The following FGD3 variants were observed in gnomAD, a reference collection of about 807,000 sequenced individuals.
FGD3 encodes FYVE, RhoGEF and PH domain containing 3, also known as FYVE, RhoGEF and PH domain-containing protein 3.
A neutral mutation model predicts 71.8 loss-of-function variants in FGD3; 45 were observed. The observed-to-expected ratio is 0.63, with a 90% CI of 0.49 to 0.80. The LOEUF (loss-of-function observed/expected upper bound fraction) is 0.80, where lower values mean the gene tolerates loss of function less well. FGD3 is among the 30% of genes least tolerant of loss of function. FGD3 has a pLI of 0.00. For synonymous variants in FGD3, 378 were observed against 392.8 expected, an observed-to-expected ratio of 0.96 and a Z score of 0.44; for missense variants, 844 against 951.5, an observed-to-expected ratio of 0.89 and a Z score of 1.49.
chr9:93,002,854 T>C, intron 3 of FGD3, 71 bp from the exon 4 acceptor site: 3 of 1,487,882 alleles, frequency 2.0e-6, no homozygotes, highest in South Asian at 1.1e-5. Flanking sequence ...CTGCACACAG[T>C]GGCAGCCCGT....
At chr9:92,960,095 C>A (rs1859142020) in intron 1 of FGD3, among the ~76,000 whole-genome samples, 1 of 151,952 alleles carries the variant, frequency 6.6e-6, no homozygotes, top group Non-Finnish European at 1.5e-5. Context: ...TTCATGTTTC[C>A]ATGTCCTCTT....
At chr9:92,996,716 T>G (rs1167645859) in intron 3 of FGD3, among the ~76,000 whole-genome samples, 3 of 151,988 alleles carry the variant, frequency 2.0e-5, no homozygotes, top group Non-Finnish European at 4.4e-5. Flanking sequence ...CTTTATTTCT[T>G]CCTTCATTTC....
intron 1 of FGD3, among the ~76,000 whole-genome samples, chr9:92,970,414 A>G (rs988256308): frequency 2.2e-4 from 33 of 152,258 alleles, no homozygotes; most frequent in Admixed American, 6.5e-5. Context: ...AGTTGCCTCA[A>G]GGAATGTCTG....
At chr9:93,025,537 C>A (rs1433617671) in intron 14 of FGD3, among the ~76,000 whole-genome samples, 1 of 152,234 alleles carries the variant, frequency 6.6e-6, no homozygotes, top group Non-Finnish European at 1.5e-5. Context: ...AAAGCAAGTT[C>A]ATTCTCTCAT....
Position 92,965,040 on chromosome 9 carries a change from A to G in FGD3, c.-217-10198A>G, listed in dbSNP as rs573883478. Among the ~76,000 whole-genome samples, 84 of 152,346 alleles carry G rather than the reference A, an allele frequency of 5.5e-4. 1 individual carries two copies. The highest frequency in any genetic ancestry group is 1.7e-3 in the African/African-American group (72 of 41,582). On this transcript the variant is annotated intron_variant, in intron 1 of 17. Transcript: ENST00000375482. ...CTCAGCACCCCGTGCTGTGCCTGGC[A>G]GTGTGGGACAGTGGCGGGGCCACCT...
intron 14 of FGD3, among the ~76,000 whole-genome samples, chr9:93,022,699 A>G (rs1165147764): frequency 6.6e-6 from 1 of 152,176 alleles, no homozygotes; most frequent in Non-Finnish European, 1.5e-5. Context: ...CTGGGCACAC[A>G]TGTGAGAATC....
At chr9:92,960,362 T>C (rs1173931679) in intron 1 of FGD3, among the ~76,000 whole-genome samples, 1 of 151,976 alleles carries the variant, frequency 6.6e-6, no homozygotes, top group African/African-American at 2.4e-5. Context: ...ACCCCTCCTA[T>C]CCCCACGTCC....
At chr9:93,022,277 G>T (rs1412458326) in intron 13 of FGD3, 50 bp from the exon 14 acceptor site, 6 of 1,574,642 alleles carry the variant, frequency 3.8e-6, no homozygotes, top group Non-Finnish European at 8.7e-7. Flanking sequence ...CTGCACAGTG[G>T]CTGCGTGGCC....
At chr9:93,000,031 T>G (rs747417584) in intron 3 of FGD3, among the ~76,000 whole-genome samples, 1 of 124,482 alleles carries the variant, frequency 8.0e-6, no homozygotes, top group South Asian at 2.4e-4. Flanking sequence ...TCTCTTACTA[T>G]CTTTCTTTGT....
chr9:92,954,287 G>T (rs1859010096), intron 1 of FGD3, among the ~76,000 whole-genome samples: 1 of 152,184 alleles, frequency 6.6e-6, no homozygotes, highest in Non-Finnish European at 1.5e-5. Flanking sequence ...GACTACTCTG[G>T]TCCCACCCAC....
At chr9:93,022,707 A>T (rs1861970741) in intron 14 of FGD3, among the ~76,000 whole-genome samples, 1 of 152,182 alleles carries the variant, frequency 6.6e-6, no homozygotes, top group Admixed American at 6.5e-5. Flanking sequence ...ACATGTGAGA[A>T]TCTTCTGAGC....
intron 9 of FGD3, among the ~76,000 whole-genome samples, chr9:93,015,197 T>C (rs893437780): frequency 3.9e-5 from 6 of 152,128 alleles, no homozygotes; most frequent in African/African-American, 1.4e-4. Flanking sequence ...GGCTCATACC[T>C]GTAATCCCAG....
At chr9:92,990,528 T>C (rs182463678) in intron 3 of FGD3, among the ~76,000 whole-genome samples, 203 of 152,366 alleles carry the variant, frequency 1.3e-3, no homozygotes, top group African/African-American at 4.8e-3. Flanking sequence ...TCAGCTTTTC[T>C]GCATTCAGTA....
At chr9:92,977,419 C>G (rs1253741640) in intron 3 of FGD3, among the ~76,000 whole-genome samples, 1 of 152,060 alleles carries the variant, frequency 6.6e-6, no homozygotes, top group Non-Finnish European at 1.5e-5. Flanking sequence ...GGTAAGTTGC[C>G]AAGTGACCAG....
intron 6 of FGD3, among the ~76,000 whole-genome samples, chr9:93,008,046 A>G (rs1425184716): frequency 6.6e-6 from 1 of 152,206 alleles, no homozygotes; most frequent in Non-Finnish European, 1.5e-5. Context: ...TTAAACGTTA[A>G]ACTTTTATTT....
intron 1 of FGD3, among the ~76,000 whole-genome samples, chr9:92,965,061 C>T (rs562841303): frequency 6.1e-4 from 93 of 152,306 alleles, no homozygotes; most frequent in African/African-American, 2.1e-3. Flanking sequence ...GTGGCGGGGC[C>T]ACCTCAAGAG....
intron 1 of FGD3, among the ~76,000 whole-genome samples, chr9:92,967,292 G>T (rs1859367556): frequency 6.6e-6 from 1 of 151,534 alleles, no homozygotes; most frequent in Non-Finnish European, 1.5e-5. Flanking sequence ...GATCAGTACA[G>T]TGCCCTCAGC....
intron 3 of FGD3, among the ~76,000 whole-genome samples, chr9:92,981,634 A>C (rs1262912141): frequency 6.6e-6 from 1 of 152,032 alleles, no homozygotes; most frequent in Non-Finnish European, 1.5e-5. Flanking sequence ...TGAAAGTGAG[A>C]TATTAAAGTC....
rs76371741 is a variant in FGD3, at chr9:93,012,695, G to A, written c.1036-1157G>A. Among the ~76,000 whole-genome samples, 11 of 133,286 alleles carry A rather than the reference G, an allele frequency of 8.3e-5. 1 individual carries two copies. Among genetic ancestry groups the A allele is most frequent in the African/African-American group, 1.5e-4 (5 of 33,160 alleles). 87.4% of individuals were successfully genotyped at this position (133,286 alleles called of 152,430 possible). ...CCAGGTGTGGGCGGTGGCGGGGTGT[G>A]GGGGGGGGAAGAATCAATCTACATA... On this transcript the variant is annotated intron_variant, in intron 8 of 17. Transcript: ENST00000375482.
Sources: gnomAD v4.1 joint callset for allele counts (sites outside exome capture counted in the v4.1 genomes callset) on GRCh38, gnomAD v4.1.1 for gene constraint, MANE v1.5 for transcripts, NCBI Gene and HGNC (gene_info 2026-07-23, HGNC 2026-07-21) for gene names.